The following DCLK1 variants were observed in gnomAD, a reference collection of about 807,000 sequenced individuals.
The protein encoded by DCLK1 is serine/threonine-protein kinase DCLK1.
In DCLK1, 16 loss-of-function variants were observed where a neutral mutation model predicts 86.2. The ratio of observed to expected loss-of-function variants is 0.19; its 90% CI spans 0.13 to 0.28. The LOEUF is 0.28. Ranked by LOEUF, DCLK1 falls within the 10% of genes least tolerant of loss-of-function variation. The pLI, the probability that DCLK1 is intolerant of heterozygous loss-of-function variation, is 1.00. For missense variants in DCLK1, 590 were observed against 940.2 expected (o/e 0.63, Z 4.87); for synonymous variants, 369 against 370.5 (o/e 1.00, Z 0.05).
intron 3 of DCLK1, among the ~76,000 whole-genome samples, chr13:36,104,600 T>C (rs562813263): frequency 5.3e-5 from 8 of 152,094 alleles, no homozygotes; most frequent in Admixed American, 2.0e-4. Flanking sequence ...CAATTATCAA[T>C]GTAATCATCA....
chr13:36,121,420 T>C (rs1167517380), intron 2 of DCLK1, among the ~76,000 whole-genome samples: 3 of 152,092 alleles, frequency 2.0e-5, no homozygotes, highest in Admixed American at 2.0e-4. Flanking sequence ...CAGTTCTGAG[T>C]AGTGTGATGA....
chr13:35,950,614 T>G (rs137909800), intron 3 of DCLK1, among the ~76,000 whole-genome samples: 1 of 152,256 alleles, frequency 6.6e-6, no homozygotes, highest in East Asian at 1.9e-4. Context: ...AAAGGGATAG[T>G]GACAATTGGC....
intron 3 of DCLK1, among the ~76,000 whole-genome samples, chr13:36,028,172 A>C (rs1208727748): frequency 1.3e-5 from 2 of 152,220 alleles, no homozygotes. Context: ...TGTGGACTTA[A>C]CTACTGACTA....
intron 3 of DCLK1, among the ~76,000 whole-genome samples, chr13:35,954,695 T>C (rs1228139452): frequency 6.6e-6 from 1 of 152,072 alleles, no homozygotes; most frequent in Non-Finnish European, 1.5e-5. Context: ...AAAAAATTCT[T>C]TAAAGAATCT....
At chr13:35,803,950 T>C (rs1210864396) in intron 15 of DCLK1, among the ~76,000 whole-genome samples, 1 of 152,194 alleles carries the variant, frequency 6.6e-6, no homozygotes, top group Non-Finnish European at 1.5e-5. Context: ...TTAGACTTAG[T>C]GATGGAGCTT....
intron 10 of DCLK1, among the ~76,000 whole-genome samples, chr13:35,826,721 C>G (rs912819924): frequency 2.6e-5 from 4 of 151,986 alleles, no homozygotes; most frequent in Non-Finnish European, 4.4e-5. Flanking sequence ...CGCAGATTAG[C>G]TTACTAAATG....
chr13:36,014,159 C>T (rs1457891122), intron 3 of DCLK1, among the ~76,000 whole-genome samples: 2 of 152,194 alleles, frequency 1.3e-5, no homozygotes, highest in African/African-American at 4.8e-5. Flanking sequence ...ATGCAGAAAT[C>T]ACCCGTCTTC....
chr13:35,853,204 A>G (rs1286490300), intron 6 of DCLK1, among the ~76,000 whole-genome samples: 1 of 152,222 alleles, frequency 6.6e-6, no homozygotes, highest in Non-Finnish European at 1.5e-5. Flanking sequence ...AGAAGAAACC[A>G]TAGTGAAAAC....
rs139211063 is a variant in DCLK1 at position 35,960,938 on chromosome 13, C to T, written c.724-13481G>A. Among the ~76,000 whole-genome samples the T allele has an allele frequency of 1.9e-3, 292 of 152,254 alleles. 2 individuals carry two copies. The highest frequency in any genetic ancestry group is 6.6e-3 in the African/African-American group (273 of 41,536). ...TCTGAATGTCCCTAGTGGTCCAGTCCATTTATGTACAGAACATCTACCTAG... is the reference window on the plus strand; with the variant it reads ...TCTGAATGTCCCTAGTGGTCCAGTCTATTTATGTACAGAACATCTACCTAG... On this transcript the variant is annotated intron_variant, in intron 3 of 16. Coordinates refer to ENST00000360631, the MANE Select transcript of DCLK1 (RefSeq NM_001330071.2).
intron 15 of DCLK1, among the ~76,000 whole-genome samples, chr13:35,795,260 A>C (rs2153099943): frequency 6.6e-6 from 1 of 152,326 alleles, no homozygotes; most frequent in African/African-American, 2.4e-5. Flanking sequence ...GGAAGCCACA[A>C]AGTCATCTCT....
intron 2 of DCLK1, among the ~76,000 whole-genome samples, chr13:36,119,550 A>C (rs903200356): frequency 6.6e-6 from 1 of 152,182 alleles, no homozygotes; most frequent in African/African-American, 2.4e-5. Context: ...GCCTTCACCA[A>C]ATGATCACAG....
intron 6 of DCLK1, chr13:35,847,902 T>C (rs2153109422): frequency 4.1e-6 from 4 of 985,324 alleles, no homozygotes; most frequent in East Asian, 1.1e-4. Flanking sequence ...CCCTGCCTAG[T>C]TGATTAAACA....
chr13:35,826,565 A>AGGAAGGAAGGAAG (rs1416411469), intron 10 of DCLK1, among the ~76,000 whole-genome samples: 3 of 68,900 alleles, frequency 4.4e-5, no homozygotes, highest in Non-Finnish European at 1.2e-4. Flanking sequence ...GAAAGAAACA[A>AGGAAGGAAGGAAG]GTCCTAATTT....
At chr13:35,826,618 C>G (rs1053956212) in intron 10 of DCLK1, among the ~76,000 whole-genome samples, 2 of 150,774 alleles carry the variant, frequency 1.3e-5, no homozygotes, top group South Asian at 4.3e-4. Context: ...TACAAATAAC[C>G]ACTAAGTTAA....
intron 5 of DCLK1, among the ~76,000 whole-genome samples, chr13:35,867,899 GAAAGAAAGAA>G (rs1871927083): frequency 1.3e-5 from 1 of 74,998 alleles, no homozygotes; most frequent in Non-Finnish European, 2.7e-5. Flanking sequence ...GAGAAAGAGA[GAAAGAAAGAA>G]AAAGAAAGAA....
intron 6 of DCLK1, chr13:35,847,637 A>AAG (rs1870292620): frequency 1.1e-6 from 1 of 910,866 alleles, no homozygotes; most frequent in Non-Finnish European, 1.3e-6. Flanking sequence ...GAAAGAAAGA[A>AAG]AGAAAGAAAG....
chr13:35,789,237 T>C (rs1051908603), intron 16 of DCLK1, among the ~76,000 whole-genome samples: 3 of 152,222 alleles, frequency 2.0e-5, no homozygotes, highest in African/African-American at 7.2e-5. Context: ...ACTGGTATGA[T>C]GCTGATGACA....
chr13:35,792,064 T>C lies in DCLK1; in HGVS notation c.2058+1302A>G, dbSNP rs147664705. 3.5e-4 allele frequency among the ~76,000 whole-genome samples: 53 copies of C among 152,350 alleles called. No individual in the cohort carries two copies. The East Asian group carries it at 0.01, about 29-fold the overall frequency. On this transcript the variant is annotated intron_variant, in intron 16 of 16. Transcript: ENST00000360631. ...ATGTAAAGGTTAATTTACTTCTACATTGAATTTTCTCAGAAAGAATTAAAG... is the reference window on the plus strand; with the variant it reads ...ATGTAAAGGTTAATTTACTTCTACACTGAATTTTCTCAGAAAGAATTAAAG...
intron 4 of DCLK1, among the ~76,000 whole-genome samples, chr13:35,908,212 G>T (rs1206784111): frequency 3.3e-5 from 5 of 152,140 alleles, no homozygotes; most frequent in African/African-American, 7.2e-5. Context: ...TAAACTTTTA[G>T]TATACTAAAA....
Sources: allele counts gnomAD v4.1 joint callset (sites outside exome capture counted in the v4.1 genomes callset), GRCh38; gene constraint gnomAD v4.1.1; transcripts MANE v1.5; gene names NCBI Gene and HGNC (gene_info 2026-07-23, HGNC 2026-07-21).